LRRC4C: variants seen among roughly 807,000 people sequenced by gnomAD.
The protein encoded by LRRC4C is leucine rich repeat containing 4C.
In LRRC4C, 5 loss-of-function variants were observed where a neutral mutation model predicts 33.6. The observed-to-expected ratio is 0.15, with a 90% confidence interval of 0.08 to 0.31. The LOEUF is 0.31. Ranked by LOEUF, LRRC4C falls within the 10% of genes least tolerant of loss-of-function variation. The pLI is 1.00. For missense variants in LRRC4C, 560 were observed against 796.7 expected (o/e 0.70, Z 3.58); for synonymous variants, 329 against 302.0 (o/e 1.09, Z -0.93).
At chr11:41,284,806 T>A (rs1275773428) in intron 1 of LRRC4C, among the ~76,000 whole-genome samples, 1 of 152,218 alleles carries the variant, frequency 6.6e-6, no homozygotes, top group Non-Finnish European at 1.5e-5. Flanking sequence ...AAACCATTGA[T>A]TTCCCCTAAT....
At chr11:40,597,605 A>C (rs942895595) in intron 3 of LRRC4C, among the ~76,000 whole-genome samples, 1 of 149,484 alleles carries the variant, frequency 6.7e-6, no homozygotes, top group Non-Finnish European at 1.5e-5. Flanking sequence ...AACATCAAAC[A>C]GGAAGGAAGA....
intron 3 of LRRC4C, among the ~76,000 whole-genome samples, chr11:40,480,872 C>CT (rs1405599321): frequency 2.6e-5 from 4 of 151,806 alleles, no homozygotes; most frequent in Non-Finnish European, 5.9e-5. Flanking sequence ...GATGGGGAAT[C>CT]TAAAAAGGCA....
chr11:40,554,291 G>C (rs1251840549), intron 3 of LRRC4C, among the ~76,000 whole-genome samples: 1 of 152,156 alleles, frequency 6.6e-6, no homozygotes, highest in Non-Finnish European at 1.5e-5. Context: ...GTGTTCTATA[G>C]ATCTATGTGT....
chr11:40,491,200 G>A (rs1204603962), intron 3 of LRRC4C, among the ~76,000 whole-genome samples: 2 of 152,020 alleles, frequency 1.3e-5, no homozygotes, highest in Non-Finnish European at 2.9e-5. Context: ...CATGAAAATC[G>A]TTTGAACCCA....
intron 3 of LRRC4C, among the ~76,000 whole-genome samples, chr11:40,638,752 GTTTTTTCAA>G (rs1485936789): frequency 6.9e-6 from 1 of 145,208 alleles, no homozygotes; most frequent in African/African-American, 2.5e-5. Context: ...ATAATGAATG[GTTTTTTCAA>G]TTGGTCGAGT....
intron 3 of LRRC4C, among the ~76,000 whole-genome samples, chr11:40,385,233 A>C (rs1476179551): frequency 6.6e-6 from 1 of 152,126 alleles, no homozygotes; most frequent in Non-Finnish European, 1.5e-5. Context: ...TGAGAAGAAA[A>C]TCTGAGTGAA....
At chr11:40,612,609 A>G (rs1961344640) in intron 3 of LRRC4C, among the ~76,000 whole-genome samples, 1 of 152,004 alleles carries the variant, frequency 6.6e-6, no homozygotes, top group African/African-American at 2.4e-5. Context: ...TAATATTTGC[A>G]TAAAAATATG....
At chr11:40,693,013 A>T (rs1945298365) in intron 2 of LRRC4C, among the ~76,000 whole-genome samples, 1 of 152,088 alleles carries the variant, frequency 6.6e-6, no homozygotes, top group East Asian at 1.9e-4. Context: ...GTAAAATTGG[A>T]AGTCATCTAT....
intron 2 of LRRC4C, among the ~76,000 whole-genome samples, chr11:40,913,707 C>A (rs1956802928): frequency 6.6e-6 from 1 of 152,058 alleles, no homozygotes; most frequent in African/African-American, 2.4e-5. Context: ...CAGAGCAGAA[C>A]TGAAGGAAAT....
chr11:41,069,517 CCACAT>C, intron 1 of LRRC4C, among the ~76,000 whole-genome samples: 1 of 152,210 alleles, frequency 6.6e-6, no homozygotes, highest in East Asian at 1.9e-4. Flanking sequence ...ATTTAGAAAA[CCACAT>C]CACCTCAACA....
At chr11:40,676,138 A>G (rs1358468711) in intron 2 of LRRC4C, among the ~76,000 whole-genome samples, 1 of 152,212 alleles carries the variant, frequency 6.6e-6, no homozygotes. Context: ...ACCTTGTGTC[A>G]GTAATTCACA....
chr11:40,303,157 C>T (rs147941585), intron 4 of LRRC4C, among the ~76,000 whole-genome samples: 263 of 151,958 alleles, frequency 1.7e-3, no homozygotes, highest in African/African-American at 5.9e-3. Context: ...AGAAGAACAA[C>T]GGAAAACCAG....
chr11:40,340,939 A>G (rs923625848), intron 3 of LRRC4C, among the ~76,000 whole-genome samples: 11 of 152,126 alleles, frequency 7.2e-5, no homozygotes, highest in African/African-American at 2.7e-4. Flanking sequence ...TCTACCAGTA[A>G]TCTCGACCTC....
intron 5 of LRRC4C, among the ~76,000 whole-genome samples, chr11:40,186,693 A>G (rs1469781726): frequency 1.3e-5 from 2 of 152,216 alleles, no homozygotes. Context: ...CGGGCTCAGC[A>G]TAAGTTTACA....
chr11:40,141,565 T>A (rs1857369928), intron 5 of LRRC4C, among the ~76,000 whole-genome samples: 1 of 152,274 alleles, frequency 6.6e-6, no homozygotes, highest in Non-Finnish European at 1.5e-5. Flanking sequence ...TGGTACAGAC[T>A]GTACAAAGAG....
At chr11:40,364,565 T>A (rs1948121684) in intron 3 of LRRC4C, among the ~76,000 whole-genome samples, 1 of 152,048 alleles carries the variant, frequency 6.6e-6, no homozygotes, top group South Asian at 2.1e-4. Context: ...GCAAACGGAA[T>A]ACAAATTAGC....
intron 1 of LRRC4C, among the ~76,000 whole-genome samples, chr11:41,102,148 A>G (rs1375140208): frequency 6.6e-6 from 1 of 152,136 alleles, no homozygotes; most frequent in Non-Finnish European, 1.5e-5. Context: ...AAGTTAAAAA[A>G]AAGTAATTTT....
At chr11:41,336,371 T>C (rs909946006) in intron 1 of LRRC4C, among the ~76,000 whole-genome samples, 1 of 151,530 alleles carries the variant, frequency 6.6e-6, no homozygotes, top group Non-Finnish European at 1.5e-5. Context: ...AAAAAGTGTA[T>C]ATGCAAACCC....
chr11:40,403,234 G>A (rs1949829409), intron 3 of LRRC4C, among the ~76,000 whole-genome samples: 1 of 152,050 alleles, frequency 6.6e-6, no homozygotes, highest in African/African-American at 2.4e-5. Flanking sequence ...TGCACCACAA[G>A]ATGAGTGGTT....
Sources: allele counts gnomAD v4.1 joint callset (sites outside exome capture counted in the v4.1 genomes callset), GRCh38; gene constraint gnomAD v4.1.1; transcripts MANE v1.5; gene names NCBI Gene and HGNC (gene_info 2026-07-23, HGNC 2026-07-21).